Variants in LPP observed in about 807,000 individuals in gnomAD.
The protein encoded by LPP is lipoma-preferred partner.
A neutral mutation model predicts 60.4 loss-of-function variants in LPP; 38 were observed. The ratio of observed to expected loss-of-function variants is 0.63; its 90% CI spans 0.49 to 0.83. The LOEUF is 0.83. Among genes scored for constraint, LPP ranks in the 40% least tolerant of loss-of-function variants. The pLI is 0.00. For synonymous variants in LPP, 328 were observed against 290.8 expected, an observed-to-expected ratio of 1.13 and a Z score of -1.30; for missense variants, 902 against 783.6, an observed-to-expected ratio of 1.15 and a Z score of -1.80.
intron 10 of LPP, among the ~76,000 whole-genome samples, chr3:188,868,570 T>A (rs1767261750): frequency 6.6e-6 from 1 of 152,228 alleles, no homozygotes; most frequent in Non-Finnish European, 1.5e-5. Context: ...AGTTTTTTGA[T>A]CCTTTCTCCA....
At chr3:188,347,237 G>C (rs553621224) in intron 3 of LPP, among the ~76,000 whole-genome samples, 30 of 152,302 alleles carry the variant, frequency 2.0e-4, no homozygotes, top group Middle Eastern at 3.4e-3. Flanking sequence ...ATTTCTGGTA[G>C]AAAATGGTAG....
chr3:188,741,745 G>A (rs1724504759), intron 8 of LPP, among the ~76,000 whole-genome samples: 1 of 151,722 alleles, frequency 6.6e-6, no homozygotes, highest in East Asian at 1.9e-4. Context: ...TATTTCTTAA[G>A]GAGTATACAA....
chr3:188,642,590 G>A (rs1046632470), intron 7 of LPP, among the ~76,000 whole-genome samples: 1 of 152,112 alleles, frequency 6.6e-6, no homozygotes, highest in African/African-American at 2.4e-5. Flanking sequence ...TAACTCAAGA[G>A]GTCAACAATT....
In LPP at chr3:188,252,661, C is replaced by T. The variant is rs190536156; in HGVS notation, c.-67+27134C>T. ...TATCTCAGTATAGTTTTGATTTGCA[C>T]ATGTCCTATTAGGAGTAAAGTTAAG... On this transcript the variant is annotated intron_variant, in intron 2 of 11. Coordinates refer to ENST00000617246, the MANE Select transcript of LPP (RefSeq NM_001375462.1). Among the ~76,000 whole-genome samples, 607 of 152,168 alleles carry T rather than the reference C, an allele frequency of 4.0e-3. 1 individual carries two copies. The highest frequency in any genetic ancestry group is 0.027 in the Middle Eastern group (8 of 294).
At chr3:188,400,852 C>T (rs985050251) in intron 3 of LPP, among the ~76,000 whole-genome samples, 1 of 152,138 alleles carries the variant, frequency 6.6e-6, no homozygotes, top group Non-Finnish European at 1.5e-5. Context: ...CACCAGTTCT[C>T]ACCACTGCTT....
intron 2 of LPP, among the ~76,000 whole-genome samples, chr3:188,261,942 T>C (rs1733803215): frequency 6.6e-6 from 1 of 152,132 alleles, no homozygotes; most frequent in Non-Finnish European, 1.5e-5. Context: ...AGCACCACAG[T>C]TCGTTAGATA....
At chr3:188,566,410 A>T (rs2150764703) in intron 6 of LPP, among the ~76,000 whole-genome samples, 1 of 152,038 alleles carries the variant, frequency 6.6e-6, no homozygotes, top group Non-Finnish European at 1.5e-5. Context: ...ATCATATTTC[A>T]TGTTAGCTTT....
At chr3:188,193,205 A>C (rs773274785) in intron 1 of LPP, among the ~76,000 whole-genome samples, 1 of 152,114 alleles carries the variant, frequency 6.6e-6, no homozygotes, top group Non-Finnish European at 1.5e-5. Context: ...TTTCATGTTT[A>C]TTACTGTACA....
At chr3:188,715,168 A>G (rs1401790306) in intron 8 of LPP, among the ~76,000 whole-genome samples, 1 of 152,024 alleles carries the variant, frequency 6.6e-6, no homozygotes, top group Non-Finnish European at 1.5e-5. Context: ...TCACGAGGTC[A>G]AGAGATCAAG....
At chr3:188,835,518 C>T (rs985815657) in intron 9 of LPP, among the ~76,000 whole-genome samples, 10 of 151,516 alleles carry the variant, frequency 6.6e-5, no homozygotes, top group South Asian at 2.1e-4. Flanking sequence ...ACTCGGGAGG[C>T]GGAGGCAGGA....
At chr3:188,262,984 G>T (rs76196612) in intron 2 of LPP, among the ~76,000 whole-genome samples, 1 of 148,180 alleles carries the variant, frequency 6.7e-6, no homozygotes, top group Non-Finnish European at 1.5e-5. Flanking sequence ...AAAGAGTGCA[G>T]TTTTTTTTTT....
At chr3:188,603,058 A>G (rs1191440636) in intron 6 of LPP, among the ~76,000 whole-genome samples, 1 of 132,078 alleles carries the variant, frequency 7.6e-6, no homozygotes, top group African/African-American at 2.8e-5. Flanking sequence ...AATAATAATA[A>G]TAATAATGAA....
At chr3:188,754,661 T>TA (rs1291759067) in intron 8 of LPP, among the ~76,000 whole-genome samples, 2 of 142,106 alleles carry the variant, frequency 1.4e-5, no homozygotes, top group African/African-American at 5.7e-5. Context: ...GGGATCAATA[T>TA]TTTTTTTTTT....
intron 7 of LPP, among the ~76,000 whole-genome samples, chr3:188,697,177 G>T (rs1863433223): frequency 1.3e-5 from 2 of 152,282 alleles, no homozygotes; most frequent in African/African-American, 4.8e-5. Context: ...GCCTAGGGTG[G>T]CATTGTTATT....
At chr3:188,357,330 G>A (rs1421737119) in intron 3 of LPP, among the ~76,000 whole-genome samples, 2 of 152,136 alleles carry the variant, frequency 1.3e-5, no homozygotes. Context: ...AAGTTCCTCA[G>A]GAATCAAACT....
At chr3:188,636,993 C>A (rs1195841991) in intron 7 of LPP, among the ~76,000 whole-genome samples, 1 of 144,690 alleles carries the variant, frequency 6.9e-6, no homozygotes, top group Non-Finnish European at 1.5e-5. Flanking sequence ...GAATTGAACT[C>A]AGCTCTGCAC....
intron 6 of LPP, among the ~76,000 whole-genome samples, chr3:188,528,792 C>G (rs964638438): frequency 2.6e-5 from 4 of 152,132 alleles, no homozygotes; most frequent in East Asian, 1.9e-4. Context: ...ATTTTAAGTT[C>G]TAAACACCAG....
chr3:188,782,624 G>T (rs77130692), intron 9 of LPP, among the ~76,000 whole-genome samples: 2,051 of 151,992 alleles, frequency 0.013, 59 homozygotes, highest in African/African-American at 0.047. Context: ...CTGTCAAATA[G>T]ATCATGAATG....
chr3:188,859,811 G>A (rs375631150), intron 9 of LPP, among the ~76,000 whole-genome samples: 13 of 152,126 alleles, frequency 8.5e-5, no homozygotes, highest in Admixed American at 7.9e-4. Flanking sequence ...GGGTAGGGGG[G>A]TGTGTCATGA....
Sources: allele counts gnomAD v4.1 joint callset (sites outside exome capture counted in the v4.1 genomes callset), GRCh38; gene constraint gnomAD v4.1.1; transcripts MANE v1.5; gene names NCBI Gene and HGNC (gene_info 2026-07-23, HGNC 2026-07-21).